The following ZBTB7C variants were observed in gnomAD, a reference collection of about 807,000 sequenced individuals.
The protein encoded by ZBTB7C is zinc finger and BTB domain containing 7C.
A neutral mutation model predicts 25.7 loss-of-function variants in ZBTB7C; 8 were observed. The ratio of observed to expected loss-of-function variants is 0.31; its 90% CI spans 0.18 to 0.56. ZBTB7C has a LOEUF of 0.56. Ranked by LOEUF, ZBTB7C falls within the 20% of genes least tolerant of loss-of-function variation. The pLI, the probability that ZBTB7C is intolerant of heterozygous loss-of-function variation, is 0.91. For synonymous variants in ZBTB7C, 394 were observed against 369.0 expected, an observed-to-expected ratio of 1.07 and a Z score of -0.78; for missense variants, 824 against 855.2, an observed-to-expected ratio of 0.96 and a Z score of 0.46.
At chr18:48,382,520 T>C (rs1215001936) in intron 1 of ZBTB7C, among the ~76,000 whole-genome samples, 3 of 152,238 alleles carry the variant, frequency 2.0e-5, no homozygotes. Flanking sequence ...CTTCAAAACC[T>C]ACCACTTAGT....
intron 1 of ZBTB7C, among the ~76,000 whole-genome samples, chr18:48,340,287 G>T (rs899853299): frequency 6.6e-6 from 1 of 152,210 alleles, no homozygotes; most frequent in African/African-American, 2.4e-5. Context: ...GAAACCCAGG[G>T]TAGGTAGCAG....
chr18:48,157,278 A>G (rs1174290336), intron 3 of ZBTB7C, among the ~76,000 whole-genome samples: 1 of 152,178 alleles, frequency 6.6e-6, no homozygotes, highest in African/African-American at 2.4e-5. Context: ...AATATAGACA[A>G]TAGGTTTGGC....
At chr18:48,334,001 C>T (rs767633551) in intron 2 of ZBTB7C, among the ~76,000 whole-genome samples, 13 of 152,156 alleles carry the variant, frequency 8.5e-5, no homozygotes, top group African/African-American at 2.2e-4. Flanking sequence ...ACTTCCTCCA[C>T]GCCAGGCCCA....
At chr18:48,237,461 G>T (rs1483936501) in intron 2 of ZBTB7C, among the ~76,000 whole-genome samples, 1 of 152,036 alleles carries the variant, frequency 6.6e-6, no homozygotes, top group African/African-American at 2.4e-5. Flanking sequence ...AATCCAAAAG[G>T]CCAATAAATA....
chr18:48,189,028 G>C (rs920360195), intron 2 of ZBTB7C, among the ~76,000 whole-genome samples: 5 of 152,204 alleles, frequency 3.3e-5, no homozygotes, highest in Admixed American at 1.3e-4. Flanking sequence ...GGAACCCTGA[G>C]CAATGATTAT....
chr18:48,307,366 G>A (rs11661416), intron 2 of ZBTB7C, among the ~76,000 whole-genome samples: 27,227 of 152,210 alleles, frequency 0.18, 3,051 homozygotes, highest in Middle Eastern at 0.26. Flanking sequence ...TACAAAGATG[G>A]CAGGTTGGAA....
chr18:48,289,755 TATATGCGCCCAGGTACATGTCTGAGC>T (rs1008966805), intron 2 of ZBTB7C, among the ~76,000 whole-genome samples: 1 of 152,146 alleles, frequency 6.6e-6, no homozygotes, highest in African/African-American at 2.4e-5. Context: ...CTTTGGGTCC[TATATGCGCCCAGGTACATGTCTGAGC>T]ATAGAAAAGT....
intron 2 of ZBTB7C, among the ~76,000 whole-genome samples, chr18:48,310,579 G>A (rs780599157): frequency 2.0e-5 from 3 of 152,110 alleles, no homozygotes; most frequent in Non-Finnish European, 4.4e-5. Flanking sequence ...TGTCCCCTGA[G>A]GATGGTGAGC....
intron 2 of ZBTB7C, among the ~76,000 whole-genome samples, chr18:48,225,246 G>T (rs2043058756): frequency 6.6e-6 from 1 of 152,074 alleles, no homozygotes; most frequent in Non-Finnish European, 1.5e-5. Flanking sequence ...AAATGGGAGG[G>T]AGAAGAGGTA....
chr18:48,054,752 T>C lies in ZBTB7C; in HGVS notation c.-16-13629A>G, dbSNP rs1292418293. On this transcript the variant is annotated intron_variant, in intron 3 of 4. Coordinates refer to ENST00000590800, the MANE Select transcript of ZBTB7C (RefSeq NM_001318841.2). ...TGCACAGTTCCTTATAATATTATTA[T>C]ATAGAACTTTTATTGCACTGAGAAA... Among the ~76,000 whole-genome samples, 3 of 152,340 alleles carry C rather than the reference T, an allele frequency of 2.0e-5. No individual in the cohort carries two copies. The East Asian group carries it at 5.8e-4, about 29-fold the overall frequency.
intron 1 of ZBTB7C, among the ~76,000 whole-genome samples, chr18:48,405,893 G>T (rs1302636454): frequency 1.3e-5 from 2 of 151,834 alleles, no homozygotes; most frequent in Non-Finnish European, 2.9e-5. Context: ...CCTCCCTGTA[G>T]GATGCTGCAC....
intron 3 of ZBTB7C, among the ~76,000 whole-genome samples, chr18:48,081,278 G>A (rs2037971164): frequency 6.6e-6 from 1 of 152,026 alleles, no homozygotes; most frequent in African/African-American, 2.4e-5. Flanking sequence ...CATTCAGCAT[G>A]GGGCATCGAG....
At chr18:48,035,900 T>G (rs1186692004) in intron 4 of ZBTB7C, among the ~76,000 whole-genome samples, 1 of 152,190 alleles carries the variant, frequency 6.6e-6, no homozygotes, top group Non-Finnish European at 1.5e-5. Context: ...CTGGAGCTGT[T>G]TCTGTGTCCC....
chr18:48,137,058 G>A (rs1314105439), intron 3 of ZBTB7C: 3 of 985,250 alleles, frequency 3.0e-6, no homozygotes, highest in African/African-American at 3.5e-5. Flanking sequence ...CCTGAGCGCC[G>A]CCAGGGTCCC....
chr18:48,272,801 G>A (rs1254292963), intron 2 of ZBTB7C, among the ~76,000 whole-genome samples: 1 of 152,042 alleles, frequency 6.6e-6, no homozygotes, highest in Admixed American at 6.5e-5. Context: ...TCCAAACAGT[G>A]GAATGTCATT....
rs2035565937 is a variant in ZBTB7C at position 48,027,548 on chromosome 18, T to C, written c.*1712A>G. ...GACTTCTGAGAACAGAGGGTGTGTG[T>C]AGCAATCCTGCTGGCTGGAGTGGCA... On this transcript the variant is annotated 3_prime_UTR_variant, in exon 5 of 5. Coordinates refer to ENST00000590800, the MANE Select transcript of ZBTB7C (RefSeq NM_001318841.2). 1 of 152,270 alleles carries C rather than the reference T, an allele frequency of 6.6e-6. No homozygotes were observed. Among genetic ancestry groups the C allele is most frequent in the Non-Finnish European group, 1.5e-5 (1 of 68,098 alleles). The allele number at this position is 152,270 out of a possible 1,614,324, so 9.4% of individuals were successfully genotyped here.
At chr18:48,192,009 C>T (rs1471051568) in intron 2 of ZBTB7C, among the ~76,000 whole-genome samples, 1 of 152,212 alleles carries the variant, frequency 6.6e-6, no homozygotes, top group African/African-American at 2.4e-5. Context: ...TTTATAGCAG[C>T]TTTATTCATA....
intron 1 of ZBTB7C, among the ~76,000 whole-genome samples, chr18:48,371,685 T>C (rs943330646): frequency 3.9e-5 from 6 of 152,156 alleles, no homozygotes; most frequent in Admixed American, 6.5e-5. Flanking sequence ...AGCACAGATA[T>C]GCAGACGTTA....
At chr18:48,369,142 AATT>A (rs1422290408) in intron 1 of ZBTB7C, among the ~76,000 whole-genome samples, 5 of 152,334 alleles carry the variant, frequency 3.3e-5, no homozygotes, top group Non-Finnish European at 7.4e-5. Context: ...CATTTAAGAC[AATT>A]ACATTGTAAG....
Sources: gnomAD v4.1 joint callset for allele counts (sites outside exome capture counted in the v4.1 genomes callset) on GRCh38, gnomAD v4.1.1 for gene constraint, MANE v1.5 for transcripts, NCBI Gene and HGNC (gene_info 2026-07-23, HGNC 2026-07-21) for gene names.